HDAC3: variants seen among roughly 807,000 people sequenced by gnomAD.
The protein encoded by HDAC3 is SMAP45.
In HDAC3, 21 loss-of-function variants were observed where a neutral mutation model predicts 62.3. The observed-to-expected ratio is 0.34, with a 90% CI of 0.24 to 0.49. The LOEUF is 0.49. Ranked by LOEUF, HDAC3 falls within the 20% of genes least tolerant of loss-of-function variation. HDAC3 has a pLI of 0.99. For synonymous variants in HDAC3, 198 were observed against 206.5 expected, an observed-to-expected ratio of 0.96 and a Z score of 0.35; for missense variants, 270 against 556.9, an observed-to-expected ratio of 0.48 and a Z score of 5.19.
chr5:141,634,105 A>G (rs1272661381), intron 3 of HDAC3, among the ~76,000 whole-genome samples: 5 of 152,276 alleles, frequency 3.3e-5, no homozygotes, highest in South Asian at 2.1e-4. Flanking sequence ...TACAAGCTCA[A>G]TGTAAACCTA....
chr5:141,624,372 CAAAAAAAAAAAAAAAAAAA>C lies in HDAC3; in HGVS notation c.1217+817_1217+835del, dbSNP rs58610895. On this transcript the variant is annotated intron_variant, in intron 14 of 14. Transcript: ENST00000305264. Reference sequence around the variant, plus strand: ...CAACAAGGCAAGACTCCGTCTCTACCAAAAAAAAAAAAAAAAAAAAAAAAAAAAAAAAAAATTAGCCAGG... The same window carrying C: ...CAACAAGGCAAGACTCCGTCTCTACCAAAAAAAAAAAAAAAATTAGCCAGG... Among the ~76,000 whole-genome samples the C allele has an allele frequency of 7.2e-3, 160 of 22,142 alleles. 5 individuals carry two copies. In the East Asian group the frequency reaches 0.075, roughly 10 times the overall value. 14.5% of individuals were successfully genotyped at this position (22,142 alleles called of 152,430 possible). A position where few individuals can be genotyped will look rare whatever the true frequency, so the allele number is the denominator to read the frequency against.
At chr5:141,631,707 C>G (rs2099905242) in intron 3 of HDAC3, among the ~76,000 whole-genome samples, 1 of 152,152 alleles carries the variant, frequency 6.6e-6, no homozygotes, top group Non-Finnish European at 1.5e-5. Flanking sequence ...TTCTTTAACA[C>G]CTACTAATGA....
chr5:141,632,694 T>C (rs2099905400), intron 3 of HDAC3, among the ~76,000 whole-genome samples: 1 of 152,166 alleles, frequency 6.6e-6, no homozygotes, highest in East Asian at 1.9e-4. Flanking sequence ...AAATGAGCAG[T>C]GCAGTGTGTG....
chr5:141,621,583 A>G (rs531876430), intron 14 of HDAC3, 46 bp from the exon 15 acceptor site: 2 of 1,519,798 alleles, frequency 1.3e-6, no homozygotes, highest in Admixed American at 1.7e-5. Context: ...CTAAGTTCTA[A>G]TCTTCTCCCA....
At chr5:141,621,713 A>G (rs2099903728) in intron 14 of HDAC3, among the ~76,000 whole-genome samples, 176 bp from the exon 15 acceptor site, 1 of 152,224 alleles carries the variant, frequency 6.6e-6, no homozygotes, top group Non-Finnish European at 1.5e-5. Flanking sequence ...ACTACTCTAT[A>G]CAGACACTGT....
chr5:141,636,795 C>T lies in HDAC3; in HGVS notation c.-5G>A, dbSNP rs1434615325. 2 of 1,601,730 alleles carry T rather than the reference C, an allele frequency of 1.2e-6. No individual in the cohort carries two copies. The highest frequency in any genetic ancestry group is 1.7e-6 in the Non-Finnish European group (2 of 1,173,332). ...ATAGGCCACGGTCTTGGCCATGGTGCCGGCGGGAGCAGGCCCCGCACCTCC... is the reference window on the plus strand; with the variant it reads ...ATAGGCCACGGTCTTGGCCATGGTGTCGGCGGGAGCAGGCCCCGCACCTCC... On this transcript the variant is annotated 5_prime_UTR_variant, in exon 1 of 15. Coordinates refer to ENST00000305264, the MANE Select transcript of HDAC3 (RefSeq NM_003883.4).
At position 141,621,464 on chromosome 5, in the gene HDAC3, A is replaced by G. The variant is rs2099903694; in HGVS notation, c.*4T>C. The G allele has an allele frequency of 8.7e-6, 14 of 1,613,242 alleles. No individual in the cohort carries two copies. The highest frequency in any genetic ancestry group is 1.2e-5 in the Non-Finnish European group (14 of 1,179,398). ...TCCTTGGGACACAGCATCCCAAGCCACTCTTAAATCTCCACATCGCTTTCC... is the reference window on the plus strand; with the variant it reads ...TCCTTGGGACACAGCATCCCAAGCCGCTCTTAAATCTCCACATCGCTTTCC... On this transcript the variant is annotated 3_prime_UTR_variant, in exon 15 of 15. Coordinates refer to ENST00000305264, the MANE Select transcript of HDAC3 (RefSeq NM_003883.4).
rs1291469376 is a variant in HDAC3, at chr5:141,630,033, G to A, written c.363+11C>T. ...AGAGGAAAGGAAGAACAGGACTCGG[G>A]ACTATGTCACCTTGTTGTTCAGCTG... On this transcript the variant is annotated intron_variant, in intron 4 of 14. Transcript: ENST00000305264. The A allele has an allele frequency of 6.2e-7, 1 of 1,614,112 alleles. No individual in the cohort carries two copies. The highest frequency in any genetic ancestry group is 1.1e-5 in the South Asian group (1 of 91,080).
At chr5:141,633,865 A>G (rs1348824697) in intron 3 of HDAC3, among the ~76,000 whole-genome samples, 1 of 151,446 alleles carries the variant, frequency 6.6e-6, no homozygotes, top group Non-Finnish European at 1.5e-5. Flanking sequence ...CCATTTGCTC[A>G]TAAGCGTTGA....
Position 141,626,558 on chromosome 5 carries a change from G to A in HDAC3, c.831-275C>T. 2.4e-6 allele frequency: 1 copy of A among 421,620 alleles called. No homozygotes were observed. The highest frequency in any genetic ancestry group is 4.4e-6 in the Non-Finnish European group (1 of 227,102). The allele number at this position is 421,620 out of a possible 1,614,324, so 26.1% of individuals were successfully genotyped here. A position where few individuals can be genotyped will look rare whatever the true frequency, so the allele number is the denominator to read the frequency against. Reference sequence around the variant, plus strand: ...TAATCAACTATTCTCATCAACCCAAGTTCTGTCAATTCTAGCCTTGAAAAT... The same window carrying A: ...TAATCAACTATTCTCATCAACCCAAATTCTGTCAATTCTAGCCTTGAAAAT... On this transcript the variant is annotated intron_variant, in intron 10 of 14. Transcript: ENST00000305264. This position sits in a 1 kb window ranked among gnomAD's most constrained non-coding sequence, Gnocchi z 4.6.
intron 2 of HDAC3, chr5:141,635,926 C>T (rs190892643): frequency 2.0e-5 from 3 of 152,686 alleles, no homozygotes; most frequent in Admixed American, 2.0e-4. Flanking sequence ...CTGTTACTAT[C>T]CCATATCACA....
chr5:141,624,788 T>C (rs938663474), intron 14 of HDAC3: 10 of 156,954 alleles, frequency 6.4e-5, no homozygotes, highest in African/African-American at 1.9e-4. Flanking sequence ...AAAACAGCTA[T>C]ATGATGTAAA....
Position 141,629,754 on chromosome 5 carries a change from T to C in HDAC3, c.421-15A>G. On this transcript the variant is annotated splice_polypyrimidine_tract_variant and intron_variant, in intron 5 of 14. Coordinates refer to ENST00000305264, the MANE Select transcript of HDAC3 (RefSeq NM_003883.4). The surrounding 1 kb of genome is among the most constrained non-coding windows in gnomAD (Gnocchi z 5.3). Reference sequence around the variant, plus strand: ...AAGCCAGAGGCCTATGGCAAGACAGTGGTCTCATAAAGAGAAGAGCAATTC... The same window carrying C: ...AAGCCAGAGGCCTATGGCAAGACAGCGGTCTCATAAAGAGAAGAGCAATTC... The C allele has an allele frequency of 6.2e-7, 1 of 1,613,948 alleles. No individual in the cohort carries two copies. Among genetic ancestry groups the C allele is most frequent in the Non-Finnish European group, 8.5e-7 (1 of 1,179,864 alleles).
chr5:141,624,655 A>T (rs960685578), intron 14 of HDAC3, among the ~76,000 whole-genome samples: 1 of 152,016 alleles, frequency 6.6e-6, no homozygotes, highest in African/African-American at 2.4e-5. Context: ...AAAGATGTAT[A>T]ATGTAAGGGG....
Position 141,625,710 on chromosome 5 carries a change from C to T in HDAC3, c.1034G>A (p.Arg345His). ...CTGGCGTGAGTTCTGATTCTCGATG[C>T]GGGTGCTGACATCTGGATGAAGTGT... Reference protein sequence around the residue: ...DFTLHPDVSTRIENQNSRQYL... With the variant: ...DFTLHPDVSTHIENQNSRQYL... The change falls in exon 13 of 15, where the codon CGC becomes CAC. Residue 345 changes from arginine (R) to histidine (H), a missense_variant. This residue lies in a region of HDAC3 where 156 missense variants were observed against 383.9 expected (regional missense o/e 0.41). Transcript: ENST00000305264. The surrounding 1 kb of genome is among the most constrained non-coding windows in gnomAD (Gnocchi z 4.0). 2 of 1,614,104 alleles carry T rather than the reference C, an allele frequency of 1.2e-6. No homozygotes were observed. The highest frequency in any genetic ancestry group is 8.5e-7 in the Non-Finnish European group (1 of 1,179,996).
In HDAC3 at chr5:141,628,328, G is replaced by A. The variant is rs2099904733; in HGVS notation, c.692-141C>T. 2.6e-6 allele frequency: 2 copies of A among 782,478 alleles called. No individual in the cohort carries two copies. Among genetic ancestry groups the A allele is most frequent in the South Asian group, 1.6e-5 (1 of 63,164 alleles). 48.5% of individuals were successfully genotyped at this position (782,478 alleles called of 1,614,324 possible). ...ATCAAATCACTGGTCTGAAACTTCT[G>A]GAAGGGATCCCAGACTGCTATGAGT... is the stretch of plus-strand genomic sequence containing the variant. On this transcript the variant is annotated intron_variant, in intron 8 of 14. Coordinates refer to ENST00000305264, the MANE Select transcript of HDAC3 (RefSeq NM_003883.4). This position sits in a 1 kb window ranked among gnomAD's most constrained non-coding sequence, Gnocchi z 4.7.
rs1177099038 is a variant in HDAC3, at chr5:141,621,435, A to C, written c.*33T>G. The C allele has an allele frequency of 1.2e-6, 2 of 1,601,514 alleles. No individual in the cohort carries two copies. Among genetic ancestry groups the C allele is most frequent in the Admixed American group, 3.3e-5 (2 of 59,976 alleles). Reference sequence around the variant, plus strand: ...TCCAGCCCAACCAAGAGGTGAAAAGAAATTCCTTGGGACACAGCATCCCAA... The same window carrying C: ...TCCAGCCCAACCAAGAGGTGAAAAGCAATTCCTTGGGACACAGCATCCCAA... On this transcript the variant is annotated 3_prime_UTR_variant, in exon 15 of 15. Transcript: ENST00000305264.
chr5:141,629,525 T>C lies in HDAC3; in HGVS notation c.476+159A>G. 1.1e-6 allele frequency: 1 copy of C among 892,988 alleles called. No individual in the cohort carries two copies. Among genetic ancestry groups the C allele is most frequent in the Non-Finnish European group, 1.8e-6 (1 of 566,300 alleles). 55.3% of individuals were successfully genotyped at this position (892,988 alleles called of 1,614,324 possible). A position where few individuals can be genotyped will look rare whatever the true frequency, so the allele number is the denominator to read the frequency against. ...AGAAGGCTGAAATGTGAGCAGGCAG[T>C]AGGGAATCTGCAGCAGTGGAAGAGG... is the stretch of plus-strand genomic sequence containing the variant. On this transcript the variant is annotated intron_variant, in intron 6 of 14. Coordinates refer to ENST00000305264, the MANE Select transcript of HDAC3 (RefSeq NM_003883.4). The surrounding 1 kb of genome is among the most constrained non-coding windows in gnomAD (Gnocchi z 5.3).
rs2154597893 is a variant in HDAC3 at position 141,629,348 on chromosome 5, C to T, written c.477-42G>A. ...GCCAGGGTCTGAGCTAGAAGTGAAC[C>T]CCCCAACCCACTCCTCTCAAACACC... On this transcript the variant is annotated intron_variant, in intron 6 of 14. Coordinates refer to ENST00000305264, the MANE Select transcript of HDAC3 (RefSeq NM_003883.4). The surrounding 1 kb of genome is among the most constrained non-coding windows in gnomAD (Gnocchi z 5.3). The T allele has an allele frequency of 6.2e-7, 1 of 1,612,670 alleles. No individual in the cohort carries two copies.
Sources: allele counts gnomAD v4.1 joint callset (sites outside exome capture counted in the v4.1 genomes callset), GRCh38; gene constraint gnomAD v4.1.1; regional missense constraint gnomAD v4.1.1; non-coding constraint Gnocchi (gnomAD v3.1); transcripts MANE v1.5; gene names NCBI Gene and HGNC (gene_info 2026-07-23, HGNC 2026-07-21).